The following GALNT17 variants were observed in gnomAD, a reference collection of about 807,000 sequenced individuals.
GALNT17 encodes polypeptide N-acetylgalactosaminyltransferase 17, also known as UDP-GalNAc:polypeptide N-acetylgalactosaminyltransferase-like 3.
GALNT17 carries 29 observed loss-of-function variants against 63.7 expected under a neutral mutation model. That is an observed-to-expected ratio of 0.46 (90% confidence interval 0.34 to 0.62). The LOEUF (loss-of-function observed/expected upper bound fraction) is 0.62. Among genes scored for constraint, GALNT17 ranks in the 20% least tolerant of loss-of-function variants. The pLI is 0.01. For synonymous variants in GALNT17, 305 were observed against 318.3 expected, an observed-to-expected ratio of 0.96 and a Z score of 0.45; for missense variants, 603 against 799.6, an observed-to-expected ratio of 0.75 and a Z score of 2.97.
chr7:71,604,349 A>C (rs1790015710), intron 6 of GALNT17, among the ~76,000 whole-genome samples: 1 of 152,100 alleles, frequency 6.6e-6, no homozygotes, highest in African/African-American at 2.4e-5. Flanking sequence ...TGCTGAGTGC[A>C]TACAGTAGAT....
Position 71,132,713 on chromosome 7 carries a change from G to C in GALNT17, c.-90G>C. The C allele has an allele frequency of 8.9e-7, 1 of 1,118,974 alleles. No homozygotes were observed. The highest frequency in any genetic ancestry group is 1.3e-6 in the Non-Finnish European group (1 of 794,102). The allele number at this position is 1,118,974 out of a possible 1,614,324, so 69.3% of individuals were successfully genotyped here. ...CTTGGATCCCTGCCGGCCGTCTGGT[G>C]TGTGAGGCTTGCACGGCCCCTGGCT... On this transcript the variant is annotated 5_prime_UTR_variant, in exon 1 of 11. Coordinates refer to ENST00000333538, the MANE Select transcript of GALNT17 (RefSeq NM_022479.3).
chr7:71,598,299 A>G (rs1412789929), intron 6 of GALNT17, among the ~76,000 whole-genome samples: 1 of 152,186 alleles, frequency 6.6e-6, no homozygotes, highest in Non-Finnish European at 1.5e-5. Context: ...GAACACAGGA[A>G]CAAAACTCAT....
intron 1 of GALNT17, among the ~76,000 whole-genome samples, chr7:71,278,957 C>T (rs1265090878): frequency 2.0e-5 from 3 of 151,034 alleles, no homozygotes; most frequent in East Asian, 2.0e-4. Flanking sequence ...GATGGAGTCT[C>T]GCTATGTCGC....
chr7:71,431,093 A>G lies in GALNT17; in HGVS notation c.962+9988A>G, dbSNP rs150415209. On this transcript the variant is annotated intron_variant, in intron 5 of 10. Coordinates refer to ENST00000333538, the MANE Select transcript of GALNT17 (RefSeq NM_022479.3). ...CATTGGAGTGGATGGAAAAGCTCAT[A>G]GCCATAACTAACACCACAGTGTTCT... Among the ~76,000 whole-genome samples, 61 of 152,192 alleles carry G rather than the reference A, an allele frequency of 4.0e-4. 2 individuals are homozygous for G. The East Asian group carries it at 0.011, about 28-fold the overall frequency.
chr7:71,391,941 G>A (rs1192332803), intron 3 of GALNT17, among the ~76,000 whole-genome samples: 1 of 152,160 alleles, frequency 6.6e-6, no homozygotes, highest in Non-Finnish European at 1.5e-5. Flanking sequence ...GTCACATGAT[G>A]AGAGAGGGAA....
chr7:71,682,455 C>T (rs901963982), intron 9 of GALNT17, among the ~76,000 whole-genome samples: 4 of 152,210 alleles, frequency 2.6e-5, no homozygotes, highest in African/African-American at 9.6e-5. Context: ...TAGCCCCTCC[C>T]TCAAGCTTCT....
intron 3 of GALNT17, among the ~76,000 whole-genome samples, chr7:71,414,156 A>G (rs1274141042): frequency 6.6e-6 from 1 of 152,104 alleles, no homozygotes; most frequent in Non-Finnish European, 1.5e-5. Flanking sequence ...CAGGAGAATC[A>G]CATGAACCCA....
chr7:71,298,711 G>GGTGTGTGTGT (rs10602909), intron 1 of GALNT17, among the ~76,000 whole-genome samples: 67 of 141,590 alleles, frequency 4.7e-4, no homozygotes, highest in African/African-American at 1.4e-3. Context: ...ATTCCAGTGG[G>GGTGTGTGTGT]GTGTGTGTGT....
At chr7:71,711,575 C>G (rs1441509877) in intron 10 of GALNT17, among the ~76,000 whole-genome samples, 2 of 151,338 alleles carry the variant, frequency 1.3e-5, no homozygotes, top group Admixed American at 6.6e-5. Context: ...CCCTTTCTCT[C>G]TTTCTCTTCT....
Position 71,231,244 on chromosome 7 carries a change from T to TC in GALNT17, c.238+98206dup, listed in dbSNP as rs200244516. Among the ~76,000 whole-genome samples the TC allele has an allele frequency of 4.8e-3, 727 of 151,982 alleles. 6 individuals carry two copies. The highest frequency in any genetic ancestry group is 0.016 in the African/African-American group (680 of 41,422). ...ATATTTTTGCTGTTTTTTTTTTTTT[T>TC]CCAGTAGACCCTGGGATGGTTGACC... On this transcript the variant is annotated intron_variant, in intron 1 of 10. Coordinates refer to ENST00000333538, the MANE Select transcript of GALNT17 (RefSeq NM_022479.3).
chr7:71,399,355 C>T (rs1793197545), intron 3 of GALNT17, among the ~76,000 whole-genome samples: 1 of 152,206 alleles, frequency 6.6e-6, no homozygotes, highest in Non-Finnish European at 1.5e-5. Flanking sequence ...TCCAAAGGCA[C>T]CTGCTGCTGC....
intron 6 of GALNT17, among the ~76,000 whole-genome samples, chr7:71,633,754 A>G (rs1157534048): frequency 6.6e-6 from 1 of 152,236 alleles, no homozygotes; most frequent in African/African-American, 2.4e-5. Flanking sequence ...CTCAGAGACA[A>G]GCCTCTCACT....
chr7:71,242,272 CTTTTTTTTT>C (rs745542157), intron 1 of GALNT17, among the ~76,000 whole-genome samples: 2 of 86,024 alleles, frequency 2.3e-5, no homozygotes, highest in South Asian at 1.1e-3. Flanking sequence ...TTTTCTTTTT[CTTTTTTTTT>C]TTTTTTGAGA....
intron 3 of GALNT17, among the ~76,000 whole-genome samples, chr7:71,405,570 G>T (rs112049096): frequency 2.0e-3 from 309 of 152,246 alleles, no homozygotes; most frequent in African/African-American, 7.0e-3. Flanking sequence ...AAATAACAAA[G>T]TTAAACAAAA....
At chr7:71,153,176 C>G (rs1377741185) in intron 1 of GALNT17, among the ~76,000 whole-genome samples, 1 of 152,096 alleles carries the variant, frequency 6.6e-6, no homozygotes, top group Non-Finnish European at 1.5e-5. Flanking sequence ...AAAGCCAAGC[C>G]AAAGCTGGGG....
intron 5 of GALNT17, among the ~76,000 whole-genome samples, chr7:71,448,311 T>C (rs535503098): frequency 6.6e-6 from 1 of 152,212 alleles, no homozygotes; most frequent in South Asian, 2.1e-4. Context: ...AATAGAACTT[T>C]CCATTTGAAA....
intron 6 of GALNT17, among the ~76,000 whole-genome samples, chr7:71,634,524 C>T (rs1173695417): frequency 4.6e-5 from 7 of 152,062 alleles, no homozygotes; most frequent in Non-Finnish European, 1.0e-4. Flanking sequence ...GAGGCTGAGG[C>T]GGGCAGATCA....
intron 5 of GALNT17, among the ~76,000 whole-genome samples, chr7:71,435,353 CAA>C (rs1048648922): frequency 6.6e-6 from 1 of 152,146 alleles, no homozygotes; most frequent in African/African-American, 2.4e-5. Context: ...TAGTTTAAAA[CAA>C]AGATGATAAC....
intron 5 of GALNT17, among the ~76,000 whole-genome samples, chr7:71,490,591 G>C (rs1469613742): frequency 2.6e-5 from 4 of 151,758 alleles, no homozygotes; most frequent in Admixed American, 2.6e-4. Flanking sequence ...ATAGCCAGAT[G>C]CCATCTCTAC....
Sources: gnomAD v4.1 joint callset for allele counts (sites outside exome capture counted in the v4.1 genomes callset) on GRCh38, gnomAD v4.1.1 for gene constraint, MANE v1.5 for transcripts, NCBI Gene and HGNC (gene_info 2026-07-23, HGNC 2026-07-21) for gene names.